RAD51B: variants seen among roughly 807,000 people sequenced by gnomAD.
RAD51B encodes the protein DNA repair protein RAD51 homolog 2.
In RAD51B, 38 loss-of-function variants were observed where a neutral mutation model predicts 42.2. That is an observed-to-expected ratio of 0.90 (90% CI 0.70 to 1.18). RAD51B has a LOEUF of 1.18. Ranked by LOEUF, RAD51B falls within the 50% of genes most tolerant of loss-of-function variation. The pLI is 0.00. For missense variants in RAD51B, 373 were observed against 400.7 expected (o/e 0.93, Z 0.59); for synonymous variants, 154 against 145.2 (o/e 1.06, Z -0.43).
At chr14:68,187,366 TGAAAAA>T (rs1187501468) in intron 7 of RAD51B, among the ~76,000 whole-genome samples, 1 of 151,494 alleles carries the variant, frequency 6.6e-6, no homozygotes, top group Non-Finnish European at 1.5e-5. Context: ...AAATAAAAGT[TGAAAAA>T]GAAAAAAAAA....
chr14:68,633,424 C>T (rs946568821), intron 10 of RAD51B, among the ~76,000 whole-genome samples: 6 of 152,046 alleles, frequency 3.9e-5, no homozygotes, highest in African/African-American at 1.4e-4. Flanking sequence ...CGGCTGGCTC[C>T]CCCACTGCAT....
At chr14:68,610,968 G>A (rs1175742994) in intron 10 of RAD51B, 1 of 691,220 alleles carries the variant, frequency 1.4e-6, no homozygotes, top group African/African-American at 1.8e-5. Flanking sequence ...ATAAAAGTTT[G>A]TTGCATTTAA....
chr14:67,825,409 T>A, intron 2 of RAD51B, 55 bp from the exon 3 acceptor site: 1 of 1,265,018 alleles, frequency 7.9e-7, no homozygotes, highest in Non-Finnish European at 1.1e-6. Flanking sequence ...TCCTTTTAAC[T>A]CTAGTATCTT....
At chr14:68,003,874 G>T (rs2075530701) in intron 7 of RAD51B, among the ~76,000 whole-genome samples, 1 of 152,142 alleles carries the variant, frequency 6.6e-6, no homozygotes, top group African/African-American at 2.4e-5. Flanking sequence ...CTACTTGATT[G>T]TGGTGGATAA....
In RAD51B at chr14:68,061,487, A is replaced by G. The variant is rs2076568487; in HGVS notation, c.756+174283A>G. Among the ~76,000 whole-genome samples the G allele has an allele frequency of 2.0e-5, 3 of 152,134 alleles. No individual in the cohort carries two copies. The South Asian group carries it at 6.2e-4, about 32-fold the overall frequency. On this transcript the variant is annotated intron_variant, in intron 7 of 10. Coordinates refer to ENST00000471583, the MANE Select transcript of RAD51B (RefSeq NM_133510.4). Reference sequence around the variant, plus strand: ...GAATCTGTAGATTGCTTTGGGTAAGATGGTCATTTTAATATTTTTTAGTCT... The same window carrying G: ...GAATCTGTAGATTGCTTTGGGTAAGGTGGTCATTTTAATATTTTTTAGTCT...
rs1566953763 is a variant in RAD51B, at chr14:67,910,441, A to ATATATAT, written c.756+23237_756+23238insTATATAT. On this transcript the variant is annotated intron_variant, in intron 7 of 10. Transcript: ENST00000471583. ...AAAAAAAAAAAAAAAAAAAAAAAAA[A>ATATATAT]ATATTTAAATAAAAATAATGTTTCA... Among the ~76,000 whole-genome samples the ATATATAT allele has an allele frequency of 1.4e-5, 2 of 146,076 alleles. 1 individual carries two copies. Among genetic ancestry groups the ATATATAT allele is most frequent in the African/African-American group, 4.9e-5 (2 of 40,528 alleles).
chr14:68,107,438 A>G (rs2077393818), intron 7 of RAD51B, among the ~76,000 whole-genome samples: 1 of 151,828 alleles, frequency 6.6e-6, no homozygotes, highest in Non-Finnish European at 1.5e-5. Context: ...GGATCTACAT[A>G]GTCAACAAAA....
rs147730960 is a variant in RAD51B at position 68,667,704 on chromosome 14, T to G, written c.*11+16848T>G. On this transcript the variant is annotated intron_variant, in intron 11 of 11. Coordinates refer to the RAD51B transcript ENST00000488612. Reference sequence around the variant, plus strand: ...CAGATGGAAGAAAATTAATGATGATTGCTCAATTCAGTCTGGACAGAATGC... The same window carrying G: ...CAGATGGAAGAAAATTAATGATGATGGCTCAATTCAGTCTGGACAGAATGC... Among the ~76,000 whole-genome samples, 545 of 152,354 alleles carry G rather than the reference T, an allele frequency of 3.6e-3. 5 individuals are homozygous for G. Among genetic ancestry groups the G allele is most frequent in the African/African-American group, 0.012 (514 of 41,566 alleles).
At position 68,679,617 on chromosome 14, in the gene RAD51B, T is replaced by A. The variant is rs150054771; in HGVS notation, c.*11+28761T>A. Among the ~76,000 whole-genome samples, 223 of 152,336 alleles carry A rather than the reference T, an allele frequency of 1.5e-3. 3 individuals are homozygous for A. The highest frequency in any genetic ancestry group is 0.01 in the Middle Eastern group (3 of 294). On this transcript the variant is annotated intron_variant, in intron 11 of 11. Coordinates refer to the RAD51B transcript ENST00000488612. Reference sequence around the variant, plus strand: ...GAAAATACAGTATTAATCCTACCCTTGAATTTAGAAGTGATTATGGCTTTT... The same window carrying A: ...GAAAATACAGTATTAATCCTACCCTAGAATTTAGAAGTGATTATGGCTTTT...
At chr14:68,281,667 C>T (rs948539326) in intron 7 of RAD51B, among the ~76,000 whole-genome samples, 13 of 152,134 alleles carry the variant, frequency 8.5e-5, no homozygotes, top group African/African-American at 2.7e-4. Flanking sequence ...GTACCATATA[C>T]GTGTAAAATG....
intron 10 of RAD51B, among the ~76,000 whole-genome samples, chr14:68,587,103 C>T (rs906214059): frequency 6.6e-6 from 1 of 152,122 alleles, no homozygotes; most frequent in African/African-American, 2.4e-5. Context: ...TGCTATATGT[C>T]AGTGTTCCAG....
chr14:68,262,186 G>A (rs897876934), intron 7 of RAD51B, among the ~76,000 whole-genome samples: 3 of 152,214 alleles, frequency 2.0e-5, no homozygotes, highest in African/African-American at 7.2e-5. Context: ...GACAGAGTAG[G>A]AGGAAAGAGT....
chr14:68,086,874 G>T (rs984355885), intron 7 of RAD51B, among the ~76,000 whole-genome samples: 1 of 152,146 alleles, frequency 6.6e-6, no homozygotes, highest in Non-Finnish European at 1.5e-5. Flanking sequence ...GGTGGCTCAT[G>T]ACTGTCATCC....
chr14:68,029,005 G>C (rs147455118), intron 7 of RAD51B, among the ~76,000 whole-genome samples: 65 of 152,344 alleles, frequency 4.3e-4, no homozygotes, highest in African/African-American at 1.6e-3. Flanking sequence ...GGGTTCCCCT[G>C]TAGCTAGGAT....
chr14:68,347,638 C>T (rs969239840), intron 8 of RAD51B, among the ~76,000 whole-genome samples: 16 of 152,154 alleles, frequency 1.1e-4, no homozygotes, highest in African/African-American at 2.7e-4. Flanking sequence ...TGCCACTGCA[C>T]GCCAGCCTGG....
At chr14:68,205,860 A>T (rs930381139) in intron 7 of RAD51B, among the ~76,000 whole-genome samples, 2 of 152,126 alleles carry the variant, frequency 1.3e-5, no homozygotes, top group Admixed American at 6.6e-5. Flanking sequence ...AAGAAAGGGG[A>T]TATTCTGTTA....
chr14:68,632,256 A>G (rs924007472), intron 10 of RAD51B, among the ~76,000 whole-genome samples: 3 of 152,092 alleles, frequency 2.0e-5, no homozygotes, highest in African/African-American at 7.2e-5. Flanking sequence ...TGATACTTTC[A>G]GTAAGTAAAG....
At chr14:68,295,334 A>G (rs1457193465) in intron 8 of RAD51B, among the ~76,000 whole-genome samples, 1 of 152,172 alleles carries the variant, frequency 6.6e-6, no homozygotes, top group Non-Finnish European at 1.5e-5. Context: ...CTCAGCCACA[A>G]ATTTAATAAG....
At chr14:68,339,400 C>G in intron 8 of RAD51B, 1 of 814,560 alleles carries the variant, frequency 1.2e-6, no homozygotes, top group Non-Finnish European at 2.0e-6. Context: ...GGCTGGATAT[C>G]CTGTCCAATG....
Sources: allele counts gnomAD v4.1 joint callset (sites outside exome capture counted in the v4.1 genomes callset), GRCh38; gene constraint gnomAD v4.1.1; transcripts MANE v1.5; gene names NCBI Gene and HGNC (gene_info 2026-07-23, HGNC 2026-07-21).